SLC10A7: variants seen among roughly 807,000 people sequenced by gnomAD.
The protein encoded by SLC10A7 is sodium/bile acid cotransporter 7.
In SLC10A7, 29 loss-of-function variants were observed where a neutral mutation model predicts 43.2. The ratio of observed to expected loss-of-function variants is 0.67; its 90% CI spans 0.50 to 0.92. The LOEUF is 0.92. SLC10A7 is among the 40% of genes least tolerant of loss of function. SLC10A7 has a pLI of 0.00. For missense variants in SLC10A7, 295 were observed against 403.2 expected, an observed-to-expected ratio of 0.73 and a Z score of 2.30; for synonymous variants, 152 against 144.8, an observed-to-expected ratio of 1.05 and a Z score of -0.35.
At position 146,319,719 on chromosome 4, in the gene SLC10A7, A is replaced by G. The variant is rs1012609692; in HGVS notation, c.471+6242T>C. ...CTACAAAAAGGGAGCACAGAAGTGG[A>G]GTGCAGGTAGGATAAGGTGAGGTTT... is the stretch of plus-strand genomic sequence containing the variant. On this transcript the variant is annotated intron_variant, in intron 6 of 11. Coordinates refer to ENST00000335472, the MANE Select transcript of SLC10A7 (RefSeq NM_001029998.6). Among the ~76,000 whole-genome samples the G allele has an allele frequency of 3.3e-5, 5 of 152,086 alleles. No homozygotes were observed. The East Asian group carries it at 9.6e-4, about 29-fold the overall frequency.
intron 5 of SLC10A7, among the ~76,000 whole-genome samples, chr4:146,338,939 A>G (rs1734071680): frequency 6.6e-6 from 1 of 151,982 alleles, no homozygotes. Context: ...CCCATGAATT[A>G]CCAACAAGAC....
chr4:146,366,670 G>T (rs1300572501), intron 5 of SLC10A7, among the ~76,000 whole-genome samples: 1 of 152,110 alleles, frequency 6.6e-6, no homozygotes, highest in African/African-American at 2.4e-5. Flanking sequence ...GCTCACTGAT[G>T]AAATTCTAAG....
intron 7 of SLC10A7, among the ~76,000 whole-genome samples, chr4:146,302,366 A>G (rs1731220494): frequency 1.3e-5 from 2 of 152,204 alleles, no homozygotes; most frequent in South Asian, 4.1e-4. Flanking sequence ...CTTTCAGCAC[A>G]TATTTATTGG....
At chr4:146,314,925 A>C (rs1461322920) in intron 6 of SLC10A7, among the ~76,000 whole-genome samples, 3 of 152,128 alleles carry the variant, frequency 2.0e-5, no homozygotes, top group Non-Finnish European at 4.4e-5. Context: ...CTTAGACTGC[A>C]ATTACACAGA....
chr4:146,365,315 A>G (rs1193030006), intron 5 of SLC10A7, among the ~76,000 whole-genome samples: 3 of 152,208 alleles, frequency 2.0e-5, no homozygotes, highest in African/African-American at 4.8e-5. Context: ...TCAAGTATCT[A>G]TATTTGCATT....
chr4:146,336,722 A>C (rs541382167), intron 5 of SLC10A7, among the ~76,000 whole-genome samples: 1 of 152,168 alleles, frequency 6.6e-6, no homozygotes, highest in African/African-American at 2.4e-5. Context: ...AGGATAATGG[A>C]AGCAAAGGGA....
chr4:146,301,029 A>G (rs1033244982), intron 7 of SLC10A7, among the ~76,000 whole-genome samples: 1 of 152,240 alleles, frequency 6.6e-6, no homozygotes, highest in Non-Finnish European at 1.5e-5. Flanking sequence ...ACCACCACTT[A>G]GGATGAAATA....
At chr4:146,354,647 G>A (rs1019344698) in intron 5 of SLC10A7, among the ~76,000 whole-genome samples, 3 of 151,020 alleles carry the variant, frequency 2.0e-5, no homozygotes, top group African/African-American at 7.4e-5. Context: ...TATACTACAA[G>A]GCTACAGTAA....
At chr4:146,483,104 G>A (rs1224377950) in intron 4 of SLC10A7, among the ~76,000 whole-genome samples, 4 of 152,058 alleles carry the variant, frequency 2.6e-5, no homozygotes, top group Non-Finnish European at 5.9e-5. Flanking sequence ...TTCCTTACGT[G>A]GAAATGAAAG....
chr4:146,303,375 CTT>C (rs111238580), intron 7 of SLC10A7, among the ~76,000 whole-genome samples: 222 of 137,542 alleles, frequency 1.6e-3, no homozygotes, highest in African/African-American at 4.6e-3. Flanking sequence ...CTTTTTCTTT[CTT>C]TTTTTTTTTT....
rs139813136 is a variant in SLC10A7, at chr4:146,319,178, C to T, written c.471+6783G>A. On this transcript the variant is annotated intron_variant, in intron 6 of 11. Transcript: ENST00000335472. ...GACTTTAAGGTCCTAAATCATTTGT[C>T]CCCTGCTCTGTCTCTGACATCATCT... Among the ~76,000 whole-genome samples the T allele has an allele frequency of 3.9e-3, 599 of 152,166 alleles. 2 individuals carry two copies. Among genetic ancestry groups the T allele is most frequent in the African/African-American group, 0.013 (548 of 41,528 alleles).
chr4:146,294,549 G>T (rs941219973), intron 7 of SLC10A7, among the ~76,000 whole-genome samples: 3 of 152,098 alleles, frequency 2.0e-5, no homozygotes, highest in African/African-American at 7.2e-5. Context: ...AGTGATCCAT[G>T]GAACATATTA....
intron 3 of SLC10A7, among the ~76,000 whole-genome samples, chr4:146,507,062 T>TC (rs1736979823): frequency 6.6e-6 from 1 of 152,194 alleles, no homozygotes; most frequent in Admixed American, 6.5e-5. Context: ...AACATATACA[T>TC]CTACTCTCTT....
At chr4:146,440,194 C>T (rs57910109) in intron 5 of SLC10A7, among the ~76,000 whole-genome samples, 38,856 of 152,002 alleles carry the variant, frequency 0.26, 5,088 homozygotes, top group South Asian at 0.34. Context: ...TGACTGAGTT[C>T]TGCAATAAGG....
At chr4:146,391,224 T>C (rs1396146297) in intron 5 of SLC10A7, among the ~76,000 whole-genome samples, 2 of 152,228 alleles carry the variant, frequency 1.3e-5, no homozygotes, top group African/African-American at 4.8e-5. Context: ...TTCTTACAGT[T>C]CTCATATACA....
chr4:146,329,399 T>C (rs1429967777), intron 5 of SLC10A7, among the ~76,000 whole-genome samples: 1 of 152,210 alleles, frequency 6.6e-6, no homozygotes, highest in Non-Finnish European at 1.5e-5. Flanking sequence ...GTACTTATGT[T>C]GGATATTGTA....
intron 10 of SLC10A7, among the ~76,000 whole-genome samples, chr4:146,266,948 C>T (rs1003987191): frequency 3.3e-5 from 5 of 152,100 alleles, no homozygotes; most frequent in Non-Finnish European, 7.4e-5. Flanking sequence ...AAGTGTTCAT[C>T]CATTATGTGC....
intron 7 of SLC10A7, among the ~76,000 whole-genome samples, chr4:146,299,870 G>A (rs1000937211): frequency 3.3e-5 from 5 of 152,142 alleles, no homozygotes; most frequent in African/African-American, 7.2e-5. Context: ...CAGTAGAAGC[G>A]GGGTTGGGCC....
At chr4:146,465,946 A>G (rs1317150901) in intron 4 of SLC10A7, among the ~76,000 whole-genome samples, 1 of 152,122 alleles carries the variant, frequency 6.6e-6, no homozygotes, top group East Asian at 1.9e-4. Context: ...ATAGTTTGAG[A>G]TTTTTCTAAG....
Sources: gnomAD v4.1 joint callset for allele counts (sites outside exome capture counted in the v4.1 genomes callset) on GRCh38, gnomAD v4.1.1 for gene constraint, MANE v1.5 for transcripts, NCBI Gene and HGNC (gene_info 2026-07-23, HGNC 2026-07-21) for gene names.